Variants in TM7SF3 observed in about 807,000 individuals in gnomAD.
TM7SF3 encodes the protein seven span transmembrane protein.
TM7SF3 carries 60 observed loss-of-function variants against 65.5 expected under a neutral mutation model. That is an observed-to-expected ratio of 0.92 (90% CI 0.74 to 1.14). The LOEUF (loss-of-function observed/expected upper bound fraction) is 1.14, where lower values mean the gene tolerates loss of function less well. TM7SF3 is among the 50% of genes most tolerant of loss of function. TM7SF3 has a pLI of 0.00. For synonymous variants in TM7SF3, 264 were observed against 259.6 expected (o/e 1.02, Z -0.16); for missense variants, 623 against 684.8 (o/e 0.91, Z 1.01).
chr12:27,006,952 G>A (rs1273416131), intron 1 of TM7SF3, among the ~76,000 whole-genome samples: 2 of 152,170 alleles, frequency 1.3e-5, no homozygotes, highest in African/African-American at 4.8e-5. Flanking sequence ...ATTCCAGAAA[G>A]CGTATGTGTC....
At chr12:26,999,761 C>A in intron 2 of TM7SF3, 85 bp from the exon 3 acceptor site, 3 of 1,348,668 alleles carry the variant, frequency 2.2e-6, no homozygotes, top group South Asian at 1.4e-5. Flanking sequence ...ATGTCCTATT[C>A]CAAATCTTCC....
chr12:26,982,791 G>C lies in TM7SF3; in HGVS notation c.937C>G (p.His313Asp). The change falls in exon 7 of 12, where the codon CAC becomes GAC. Residue 313 changes from histidine (H) to aspartate (D), a missense_variant. Coordinates refer to ENST00000343028, the MANE Select transcript of TM7SF3 (RefSeq NM_016551.3). The part of the protein sequence containing the change: ...LLGFFICFFG[H>D]RFWKTELFFI... ...ATAATACCTGTTTTCCAGAATCTGT[G>C]TCCAAAGAAACAAATGAAGAAACCA... is the stretch of plus-strand genomic sequence containing the variant. 1 of 1,608,958 alleles carries C rather than the reference G, an allele frequency of 6.2e-7. No individual in the cohort carries two copies. Among genetic ancestry groups the C allele is most frequent in the Non-Finnish European group, 8.5e-7 (1 of 1,178,316 alleles).
At chr12:26,988,672 TTGTGTGTGTGTGTG>T (rs147021582) in intron 6 of TM7SF3, among the ~76,000 whole-genome samples, 5 of 146,322 alleles carry the variant, frequency 3.4e-5, no homozygotes, top group East Asian at 4.0e-4. Flanking sequence ...GAGAAGAAAA[TTGTGTGTGTGTGTG>T]TGTGTGTGTG....
At chr12:26,982,945 G>C in intron 6 of TM7SF3, 86 bp from the exon 7 acceptor site, 1 of 950,996 alleles carries the variant, frequency 1.1e-6, no homozygotes, top group East Asian at 2.7e-5. Flanking sequence ...CATCAAAAAA[G>C]CTAAGTGAAC....
intron 9 of TM7SF3, among the ~76,000 whole-genome samples, chr12:26,976,842 C>T (rs994819737): frequency 2.0e-5 from 3 of 152,088 alleles, no homozygotes; most frequent in Admixed American, 6.5e-5. Flanking sequence ...AGATTTTTAC[C>T]GTCAAAGCAT....
At chr12:26,992,502 G>A (rs1005320468) in intron 5 of TM7SF3, among the ~76,000 whole-genome samples, 1 of 152,016 alleles carries the variant, frequency 6.6e-6, no homozygotes, top group Non-Finnish European at 1.5e-5. Flanking sequence ...GCCAGGATGG[G>A]CTCGATCTCC....
At chr12:26,976,083 T>A (rs768770295) in intron 10 of TM7SF3, among the ~76,000 whole-genome samples, 177 bp downstream of exon 10, 2 of 152,206 alleles carry the variant, frequency 1.3e-5, no homozygotes, top group African/African-American at 2.4e-5. Flanking sequence ...AAACACCATG[T>A]GGTAATCATA....
At chr12:26,980,857 T>C (rs1179556195) in intron 7 of TM7SF3, among the ~76,000 whole-genome samples, 4 of 152,164 alleles carry the variant, frequency 2.6e-5, no homozygotes, top group Admixed American at 2.6e-4. Context: ...ACAGATACAA[T>C]ATTAAAGTAC....
At chr12:26,996,008 G>A (rs6487583) in intron 4 of TM7SF3, among the ~76,000 whole-genome samples, 141,900 of 152,240 alleles carry the variant, frequency 0.93, 66,194 homozygotes, top group East Asian at 1. Context: ...CTCTGGGGAG[G>A]CAAAAAAATT....
intron 6 of TM7SF3, among the ~76,000 whole-genome samples, chr12:26,985,281 G>A (rs1939996489): frequency 6.6e-6 from 1 of 152,118 alleles, no homozygotes; most frequent in African/African-American, 2.4e-5. Flanking sequence ...TGGATCACTT[G>A]AGGCCAGGAG....
intron 6 of TM7SF3, among the ~76,000 whole-genome samples, chr12:26,984,596 G>A (rs1019932273): frequency 2.0e-5 from 3 of 151,964 alleles, no homozygotes; most frequent in Non-Finnish European, 4.4e-5. Flanking sequence ...TGAAAATCCC[G>A]TGAACTTTTC....
At chr12:27,006,687 G>C (rs1211717294) in intron 1 of TM7SF3, among the ~76,000 whole-genome samples, 1 of 152,182 alleles carries the variant, frequency 6.6e-6, no homozygotes, top group African/African-American at 2.4e-5. Context: ...GCAGATATAA[G>C]CATGCATATT....
At chr12:26,996,664 G>C in intron 4 of TM7SF3, 78 bp downstream of exon 4, 2 of 1,454,608 alleles carry the variant, frequency 1.4e-6, no homozygotes, top group Middle Eastern at 1.8e-4. Flanking sequence ...TTAGGGACTT[G>C]AGAGAGCTGG....
Position 26,974,133 on chromosome 12 carries a change from G to A in TM7SF3, c.1545C>T (p.His515=). The A allele has an allele frequency of 6.2e-7, 1 of 1,614,192 alleles. No homozygotes were observed. The part of the protein sequence containing the change: ...RERGRPFFPP[H]PYKLWKQERE... ...TCTCTTGCTTCCATAACTTGTATGGGTGGGGAGGGAAGAACGGTCGTCCTC... is the reference window on the plus strand; with the variant it reads ...TCTCTTGCTTCCATAACTTGTATGGATGGGGAGGGAAGAACGGTCGTCCTC... Residue 515 remains histidine (H), a synonymous_variant, in exon 12 of 12, where the codon CAC becomes CAT. Coordinates refer to ENST00000343028, the MANE Select transcript of TM7SF3 (RefSeq NM_016551.3).
At chr12:26,992,905 C>CTTTTTTTTTTTTTTTTTTT (rs1202323508) in intron 5 of TM7SF3, among the ~76,000 whole-genome samples, 1 of 110,008 alleles carries the variant, frequency 9.1e-6, no homozygotes. Context: ...TCCCTAATGT[C>CTTTTTTTTTTTTTTTTTTT]TTTTTTTTTT....
intron 1 of TM7SF3, 88 bp downstream of exon 1, chr12:27,013,990 C>A (rs1941343826): frequency 3.5e-6 from 4 of 1,151,344 alleles, no homozygotes; most frequent in Non-Finnish European, 5.1e-6. Context: ...CATCTCCCTG[C>A]TAGGCTGACA....
rs567950317 is a variant in TM7SF3, at chr12:26,973,547, A to G, written c.*418T>C. 3.0e-4 allele frequency: 47 copies of G among 157,528 alleles called. No homozygotes were observed. The highest frequency in any genetic ancestry group is 5.7e-4 in the Non-Finnish European group (41 of 71,632). 9.8% of individuals were successfully genotyped at this position (157,528 alleles called of 1,614,324 possible). A position where few individuals can be genotyped will look rare whatever the true frequency, so the allele number is the denominator to read the frequency against. On this transcript the variant is annotated 3_prime_UTR_variant, in exon 12 of 12. Coordinates refer to ENST00000343028, the MANE Select transcript of TM7SF3 (RefSeq NM_016551.3). The stretch of plus-strand genomic sequence containing the variant: ...TAAATCTCCAAATACTGTCACAGAT[A>G]AAGACTCAATAATAAACTCCCTCCG...
Position 26,990,486 on chromosome 12 carries a change from T to C in TM7SF3, c.832A>G (p.Ser278Gly). The change falls in exon 6 of 12, where the codon AGC becomes GGC. Residue 278 changes from serine (S) to glycine (G), a missense_variant. Coordinates refer to ENST00000343028, the MANE Select transcript of TM7SF3 (RefSeq NM_016551.3). The part of the protein sequence containing the change: ...AYIPAHTYAC[S>G]FEAGEGSCAS... ...CAACTACCCTCTCCTGCCTCAAAGC[T>C]GCAAGCGTATGTGTGAGCAGGAATG... The C allele has an allele frequency of 6.2e-7, 1 of 1,614,038 alleles. No homozygotes were observed. The highest frequency in any genetic ancestry group is 1.3e-5 in the African/African-American group (1 of 75,052).
intron 9 of TM7SF3, chr12:26,978,152 C>T (rs537180695): frequency 2.5e-5 from 10 of 399,018 alleles, no homozygotes; most frequent in East Asian, 2.4e-4. Context: ...ATCACTCTAA[C>T]GGTCCTTGAG....
Sources: gnomAD v4.1 joint callset for allele counts (sites outside exome capture counted in the v4.1 genomes callset) on GRCh38, gnomAD v4.1.1 for gene constraint, MANE v1.5 for transcripts, NCBI Gene and HGNC (gene_info 2026-07-23, HGNC 2026-07-21) for gene names.